MAPK6: variants seen among roughly 807,000 people sequenced by gnomAD.
The protein encoded by MAPK6 is mitogen-activated protein kinase 6.
Under a neutral mutation model 59.3 loss-of-function variants are expected in MAPK6, and 19 were observed. The observed-to-expected ratio is 0.32, with a 90% CI of 0.22 to 0.47. MAPK6 has a LOEUF of 0.47. Ranked by LOEUF, MAPK6 falls within the 20% of genes least tolerant of loss-of-function variation. The pLI is 1.00. For missense variants in MAPK6, 724 were observed against 847.9 expected (o/e 0.85, Z 1.81); for synonymous variants, 316 against 290.3 (o/e 1.09, Z -0.90).
At chr15:52,006,375 T>C (rs1336365555) in intron 3 of MAPK6, among the ~76,000 whole-genome samples, 2 of 152,154 alleles carry the variant, frequency 1.3e-5, no homozygotes, top group Non-Finnish European at 2.9e-5. Flanking sequence ...AATGACCAAA[T>C]AGATTTCCTA....
At chr15:52,013,801 A>G (rs918494861) in intron 3 of MAPK6, among the ~76,000 whole-genome samples, 11 of 152,220 alleles carry the variant, frequency 7.2e-5, no homozygotes, top group Admixed American at 5.2e-4. Flanking sequence ...AGAAAAAACA[A>G]TAGATTCTTC....
At chr15:52,011,307 G>C (rs747870437) in intron 3 of MAPK6, 4 of 152,210 alleles carry the variant, frequency 2.6e-5, no homozygotes, top group Non-Finnish European at 5.9e-5. Context: ...TGACCCTCCT[G>C]TCTCAGCCTC....
chr15:52,062,478 A>G (rs1474024212), intron 5 of MAPK6, among the ~76,000 whole-genome samples: 1 of 152,012 alleles, frequency 6.6e-6, no homozygotes, highest in Non-Finnish European at 1.5e-5. Context: ...TTTCTAGGAA[A>G]GTTTGGCTGG....
rs774721388 is a variant in MAPK6, at chr15:52,066,653, C to T, written c.*1653C>T. ...CTTCTCAACAACTCCATCCTCTTCA[C>T]CTCACTTTTCTTTCATCCTTGTTTT... On this transcript the variant is annotated 3_prime_UTR_variant, in exon 6 of 6. Transcript: ENST00000261845. 1.3e-5 allele frequency: 2 copies of T among 150,966 alleles called. No homozygotes were observed. The highest frequency in any genetic ancestry group is 3.0e-5 in the Non-Finnish European group (2 of 67,536). 9.4% of individuals were successfully genotyped at this position (150,966 alleles called of 1,614,324 possible). A position where few individuals can be genotyped will look rare whatever the true frequency, so the allele number is the denominator to read the frequency against.
chr15:52,017,051 C>T (rs934550920), upstream of MAPK6: 5 of 133,932 alleles, frequency 3.7e-5, no homozygotes, highest in Non-Finnish European at 1.7e-5. Context: ...GGCTCTGTCT[C>T]AAAAACAAAC....
intron 1 of MAPK6, among the ~76,000 whole-genome samples, chr15:52,025,047 C>G (rs551222316): frequency 6.6e-6 from 1 of 152,044 alleles, no homozygotes; most frequent in African/African-American, 2.4e-5. Flanking sequence ...GATGCATACA[C>G]CTGGGCAACA....
At chr15:51,977,177 T>C (rs1452891229) in intron 1 of MAPK6, among the ~76,000 whole-genome samples, 1 of 151,304 alleles carries the variant, frequency 6.6e-6, no homozygotes, top group Non-Finnish European at 1.5e-5. Context: ...TAATTTTTTG[T>C]ATTTTGGTAG....
At chr15:52,055,586 G>GCTAA (rs909379902) in intron 3 of MAPK6, among the ~76,000 whole-genome samples, 12 of 152,162 alleles carry the variant, frequency 7.9e-5, no homozygotes, top group African/African-American at 2.9e-4. Flanking sequence ...CATGAGCTCA[G>GCTAA]CTAACTGAAA....
At chr15:52,049,114 A>G (rs1043234614) in intron 2 of MAPK6, among the ~76,000 whole-genome samples, 5 of 152,190 alleles carry the variant, frequency 3.3e-5, no homozygotes, top group South Asian at 2.1e-4. Flanking sequence ...AAATAAGGCA[A>G]TATATGTGTA....
Position 52,065,127 on chromosome 15 carries a change from T to C in MAPK6, c.*127T>C. The C allele has an allele frequency of 1.1e-6, 1 of 872,946 alleles. No individual in the cohort carries two copies. Among genetic ancestry groups the C allele is most frequent in the Middle Eastern group, 3.8e-4 (1 of 2,654 alleles). 54.1% of individuals were successfully genotyped at this position (872,946 alleles called of 1,614,324 possible). A position where few individuals can be genotyped will look rare whatever the true frequency, so the allele number is the denominator to read the frequency against. On this transcript the variant is annotated 3_prime_UTR_variant, in exon 6 of 6. Transcript: ENST00000261845. ...ATTTAGTAAGGATTTTATGAGTTCTTGTTTTTTAAAATCCAGACTTTCTTT... is the reference window on the plus strand; with the variant it reads ...ATTTAGTAAGGATTTTATGAGTTCTCGTTTTTTAAAATCCAGACTTTCTTT...
chr15:51,995,918 A>G (rs2057222831), intron 2 of MAPK6, among the ~76,000 whole-genome samples: 1 of 140,654 alleles, frequency 7.1e-6, no homozygotes, highest in Admixed American at 6.9e-5. Flanking sequence ...ACAGAGTGAG[A>G]TTCCGTTTCA....
chr15:51,998,686 A>AGTTTTTTTTTTTTTTTTTT (rs2057233091), intron 2 of MAPK6, among the ~76,000 whole-genome samples: 1 of 12,204 alleles, frequency 8.2e-5, no homozygotes, highest in Non-Finnish European at 3.0e-4. Flanking sequence ...ATGCCTGGTT[A>AGTTTTTTTTTTTTTTTTTT]ATTTTTTTTT....
chr15:51,977,724 A>T (rs1432085130), intron 1 of MAPK6, among the ~76,000 whole-genome samples: 1 of 151,556 alleles, frequency 6.6e-6, no homozygotes, highest in Non-Finnish European at 1.5e-5. Context: ...TTTTGTAGAG[A>T]CAGGGTCTCA....
intron 1 of MAPK6, among the ~76,000 whole-genome samples, chr15:52,033,099 G>A (rs1199912008): frequency 2.0e-5 from 3 of 152,174 alleles, no homozygotes; most frequent in African/African-American, 7.2e-5. Context: ...CATAAGCCAC[G>A]GCACCTGGCA....
intron 1 of MAPK6, among the ~76,000 whole-genome samples, chr15:51,976,812 C>T (rs574162639): frequency 2.0e-5 from 3 of 151,346 alleles, no homozygotes; most frequent in Admixed American, 6.6e-5. Flanking sequence ...GCTTGGCGGT[C>T]GCACTCCTGT....
chr15:52,047,900 A>G (rs2031644662), intron 2 of MAPK6, among the ~76,000 whole-genome samples: 1 of 152,218 alleles, frequency 6.6e-6, no homozygotes, highest in Non-Finnish European at 1.5e-5. Flanking sequence ...TATAGCCAAA[A>G]AGATCTCACA....
intron 3 of MAPK6, among the ~76,000 whole-genome samples, chr15:52,011,935 T>C (rs1209125174): frequency 6.6e-6 from 1 of 152,228 alleles, no homozygotes; most frequent in Admixed American, 6.5e-5. Context: ...ATCAGCTGGC[T>C]GTAGGCCCCT....
At chr15:52,005,645 A>G (rs952126116) in intron 3 of MAPK6, among the ~76,000 whole-genome samples, 3 of 152,150 alleles carry the variant, frequency 2.0e-5, no homozygotes, top group Non-Finnish European at 4.4e-5. Context: ...TTAGCATTTT[A>G]GGGGTGCTTC....
At chr15:52,024,055 A>G (rs555619779) in intron 1 of MAPK6, among the ~76,000 whole-genome samples, 37 of 152,228 alleles carry the variant, frequency 2.4e-4, no homozygotes, top group Non-Finnish European at 5.0e-4. Flanking sequence ...TCACAGAAAA[A>G]AATGGTATCA....
Sources: gnomAD v4.1 joint callset for allele counts (sites outside exome capture counted in the v4.1 genomes callset) on GRCh38, gnomAD v4.1.1 for gene constraint, MANE v1.5 for transcripts, NCBI Gene and HGNC (gene_info 2026-07-23, HGNC 2026-07-21) for gene names.